The following ZFAT variants were observed in gnomAD, a reference collection of about 807,000 sequenced individuals.
ZFAT encodes zinc finger protein ZFAT.
A neutral mutation model predicts 117.7 loss-of-function variants in ZFAT; 64 were observed. The ratio of observed to expected loss-of-function variants is 0.54; its 90% CI spans 0.44 to 0.67. The LOEUF (loss-of-function observed/expected upper bound fraction) is 0.67. Among genes scored for constraint, ZFAT ranks in the 30% least tolerant of loss-of-function variants. The probability of loss-of-function intolerance (pLI) is 0.00; values close to 1 mark genes in which losing one functional copy is unlikely to be tolerated. For synonymous variants in ZFAT, 679 were observed against 615.0 expected (o/e 1.10, Z -1.54); for missense variants, 1,433 against 1,584.5 (o/e 0.90, Z 1.62).
intron 2 of ZFAT, among the ~76,000 whole-genome samples, chr8:134,656,983 G>C (rs1047055776): frequency 1.3e-5 from 2 of 152,244 alleles, no homozygotes; most frequent in Non-Finnish European, 2.9e-5. Flanking sequence ...AAAGGATTCT[G>C]TGCAAATCAA....
chr8:134,501,899 T>C (rs902977189), intron 15 of ZFAT, among the ~76,000 whole-genome samples: 2 of 152,164 alleles, frequency 1.3e-5, no homozygotes, highest in Non-Finnish European at 1.5e-5. Flanking sequence ...TGGCTAGGAT[T>C]AGAGAAGAGA....
intron 11 of ZFAT, among the ~76,000 whole-genome samples, chr8:134,548,979 C>T (rs1012566413): frequency 2.0e-5 from 3 of 152,188 alleles, no homozygotes; most frequent in Non-Finnish European, 4.4e-5. Flanking sequence ...CACTACTCCA[C>T]GTTAACTGTG....
chr8:134,771,676 C>A, the ZFAT span, among the ~76,000 whole-genome samples: 3 of 152,212 alleles, frequency 2.0e-5, no homozygotes, highest in African/African-American at 7.2e-5. Flanking sequence ...CCAATCCCTG[C>A]CTATTACCCA....
At chr8:134,534,893 C>T (rs114403365) in intron 11 of ZFAT, among the ~76,000 whole-genome samples, 3,372 of 152,280 alleles carry the variant, frequency 0.022, 112 homozygotes, top group African/African-American at 0.076. Context: ...CCACCGCCTG[C>T]TGCAAGAGCA....
chr8:134,649,899 G>A (rs1483941885), intron 2 of ZFAT, among the ~76,000 whole-genome samples: 1 of 151,804 alleles, frequency 6.6e-6, no homozygotes, highest in Admixed American at 6.6e-5. Flanking sequence ...ATGGATCACT[G>A]GGGCAGTTTC....
rs1220856770 is a variant in ZFAT at position 134,637,564 on chromosome 8, G to C, written c.345C>G (p.Ser115Arg). The C allele has an allele frequency of 1.2e-6, 2 of 1,614,124 alleles. No homozygotes were observed. Among genetic ancestry groups the C allele is most frequent in the Non-Finnish European group, 1.7e-6 (2 of 1,180,058 alleles). The change falls in exon 3 of 16, where the codon AGC (serine) becomes AGG (arginine). Residue 115 changes from serine (S) to arginine (R), a missense_variant. Transcript: ENST00000377838. ...TCCGACAGCACTTGCTACACTCCAA[G>C]CTGCTTGGAGGCAGGCTGTTCCCTT... ...PEEGNSLPPS[S>R]LECSKCCRKF...
chr8:134,789,421 C>T, the ZFAT span, among the ~76,000 whole-genome samples: 2 of 152,210 alleles, frequency 1.3e-5, no homozygotes, highest in Non-Finnish European at 2.9e-5. Flanking sequence ...TCCAGGATTT[C>T]CCTTGGAATG....
intron 7 of ZFAT, among the ~76,000 whole-genome samples, chr8:134,592,878 G>T (rs560495218): frequency 1.3e-5 from 2 of 152,328 alleles, no homozygotes; most frequent in South Asian, 2.1e-4. Flanking sequence ...CAACCAAATG[G>T]TTTCGATGCA....
chr8:134,666,943 G>A (rs547117125), intron 1 of ZFAT, among the ~76,000 whole-genome samples: 35 of 152,282 alleles, frequency 2.3e-4, no homozygotes, highest in African/African-American at 6.5e-4. Flanking sequence ...AGAAATCCAC[G>A]CCAAGTGCGG....
intron 15 of ZFAT, among the ~76,000 whole-genome samples, chr8:134,502,950 C>T (rs1028117916): frequency 6.6e-6 from 1 of 152,176 alleles, no homozygotes; most frequent in Non-Finnish European, 1.5e-5. Context: ...GAGGGGCAAC[C>T]CCAGGAGGCA....
chr8:134,706,915 C>T (rs1196349646), intron 1 of ZFAT, among the ~76,000 whole-genome samples: 3 of 151,884 alleles, frequency 2.0e-5, no homozygotes, highest in Non-Finnish European at 2.9e-5. Context: ...AAACCTGTCT[C>T]CTGGCAGCTG....
the ZFAT span, among the ~76,000 whole-genome samples, chr8:134,773,012 T>C: frequency 6.6e-6 from 1 of 150,850 alleles, no homozygotes. Context: ...GAGGATTGCT[T>C]GAGCCCAGGA....
the ZFAT span, among the ~76,000 whole-genome samples, chr8:134,759,991 C>A: frequency 0.39 from 47,115 of 121,896 alleles, 8,898 homozygotes; most frequent in Admixed American, 0.43. Context: ...AAAAAAAAAA[C>A]AAACAGAGGC....
intron 10 of ZFAT, among the ~76,000 whole-genome samples, chr8:134,578,156 T>C (rs545231341): frequency 3.6e-4 from 55 of 152,154 alleles, no homozygotes; most frequent in African/African-American, 1.2e-3. Context: ...GGCTCACATG[T>C]AATCACAGCA....
At chr8:134,792,274 T>C in the ZFAT span, 3 of 152,184 alleles carry the variant, frequency 2.0e-5, no homozygotes, top group Non-Finnish European at 2.9e-5. Context: ...TAAGGAAAAA[T>C]ACAATCCGTG....
At chr8:134,522,825 C>T (rs1820757659) in intron 12 of ZFAT, among the ~76,000 whole-genome samples, 1 of 152,198 alleles carries the variant, frequency 6.6e-6, no homozygotes, top group Admixed American at 6.5e-5. Context: ...ATTCTCCATC[C>T]ATCTCATTAA....
At chr8:134,712,820 C>CGG in intron 1 of ZFAT, 25 bp downstream of exon 1, 1 of 868,878 alleles carries the variant, frequency 1.2e-6, no homozygotes, top group African/African-American at 1.9e-5. Context: ...CACCCCGTCT[C>CGG]ACCCCAACCC....
intron 12 of ZFAT, among the ~76,000 whole-genome samples, chr8:134,526,919 GAAT>G (rs1203740927): frequency 6.6e-6 from 1 of 152,042 alleles, no homozygotes; most frequent in African/African-American, 2.4e-5. Flanking sequence ...ACAGTAGGCA[GAAT>G]AATGAGTCCC....
the ZFAT span, among the ~76,000 whole-genome samples, chr8:134,815,271 G>C: frequency 6.6e-6 from 1 of 152,112 alleles, no homozygotes; most frequent in East Asian, 1.9e-4. Flanking sequence ...ATCTATAATT[G>C]CATAACAAGT....
Sources: allele counts gnomAD v4.1 joint callset (sites outside exome capture counted in the v4.1 genomes callset), GRCh38; gene constraint gnomAD v4.1.1; transcripts MANE v1.5; gene names NCBI Gene and HGNC (gene_info 2026-07-23, HGNC 2026-07-21).